TECRL: variants seen among roughly 807,000 people sequenced by gnomAD.
The protein encoded by TECRL is trans-2,3-enoyl-CoA reductase-like.
A neutral mutation model predicts 52.8 loss-of-function variants in TECRL; 63 were observed. The observed-to-expected ratio is 1.19, with a 90% CI of 0.97 to 1.47. The LOEUF (loss-of-function observed/expected upper bound fraction) is 1.47, where lower values mean the gene tolerates loss of function less well. TECRL is among the 40% of genes most tolerant of loss of function. TECRL has a pLI of 0.00. For missense variants in TECRL, 482 were observed against 429.6 expected (o/e 1.12, Z -1.08); for synonymous variants, 164 against 141.9 (o/e 1.16, Z -1.10).
chr4:64,391,447 C>G (rs531884163), intron 1 of TECRL, among the ~76,000 whole-genome samples: 77 of 151,848 alleles, frequency 5.1e-4, no homozygotes, highest in African/African-American at 1.8e-3. Context: ...GTTAAATGAC[C>G]AGAACTGAGT....
At chr4:64,276,579 CT>C (rs1267825292), downstream of TECRL, 1 of 151,616 alleles carries the variant, frequency 6.6e-6, no homozygotes, top group African/African-American at 2.4e-5. Flanking sequence ...TTTTCATCTT[CT>C]TTCCCCACCA....
intron 2 of TECRL, among the ~76,000 whole-genome samples, chr4:64,341,303 C>T (rs910457317): frequency 7.2e-5 from 11 of 152,054 alleles, no homozygotes; most frequent in African/African-American, 2.4e-4. Context: ...AGAGCTATAA[C>T]AAAAATGGAG....
chr4:64,352,118 G>T (rs1552211), intron 2 of TECRL, among the ~76,000 whole-genome samples: 137,870 of 152,014 alleles, frequency 0.91, 62,934 homozygotes, highest in East Asian at 1. Context: ...AATGGTGTTA[G>T]AAGCTAGCTG....
intron 1 of TECRL, among the ~76,000 whole-genome samples, chr4:64,398,067 A>T (rs959300142): frequency 2.0e-5 from 2 of 102,514 alleles, no homozygotes. Context: ...CAATGTGTAT[A>T]TTTCATTAAA....
At chr4:64,316,471 T>G (rs1408965155) in intron 4 of TECRL, among the ~76,000 whole-genome samples, 3 of 152,074 alleles carry the variant, frequency 2.0e-5, no homozygotes, top group African/African-American at 7.2e-5. Context: ...TTTAAAAAAA[T>G]TATTTCAGTG....
At chr4:64,315,664 G>A (rs1484830940) in intron 4 of TECRL, among the ~76,000 whole-genome samples, 1 of 151,910 alleles carries the variant, frequency 6.6e-6, no homozygotes, top group East Asian at 1.9e-4. Context: ...GCAGTTAGCT[G>A]TCCACATTGG....
At chr4:64,375,133 A>G in intron 2 of TECRL, 39 bp downstream of exon 2, 1 of 1,057,600 alleles carries the variant, frequency 9.5e-7, no homozygotes, top group Non-Finnish European at 1.3e-6. Flanking sequence ...TGAAAATAAA[A>G]CATTATGATG....
At chr4:64,277,036 T>C, downstream of TECRL, 1 of 1,497,900 alleles carries the variant, frequency 6.7e-7, no homozygotes, top group Non-Finnish European at 8.9e-7. Context: ...TTTGATGTCT[T>C]AGGCAGTGAG....
chr4:64,285,966 CTT>C (rs1723061669), intron 9 of TECRL, among the ~76,000 whole-genome samples: 1 of 152,096 alleles, frequency 6.6e-6, no homozygotes, highest in Admixed American at 6.6e-5. Flanking sequence ...CCAGAACACA[CTT>C]TGTTTTTTAG....
intron 5 of TECRL, among the ~76,000 whole-genome samples, chr4:64,311,840 A>T (rs1334667181): frequency 6.6e-6 from 1 of 152,118 alleles, no homozygotes; most frequent in Non-Finnish European, 1.5e-5. Flanking sequence ...CTTTTTCCCA[A>T]CCAAAGTATT....
intron 1 of TECRL, among the ~76,000 whole-genome samples, chr4:64,382,271 TTA>T (rs1483703795): frequency 1.4e-5 from 2 of 144,634 alleles, no homozygotes; most frequent in African/African-American, 5.1e-5. Context: ...ATGTTATATA[TTA>T]TATATTATAT....
At chr4:64,344,238 A>G (rs949775895) in intron 2 of TECRL, among the ~76,000 whole-genome samples, 2 of 151,938 alleles carry the variant, frequency 1.3e-5, no homozygotes, top group Non-Finnish European at 2.9e-5. Context: ...TACAAATATA[A>G]TCTCTATTTA....
At chr4:64,296,587 C>A (rs1446211344) in intron 8 of TECRL, among the ~76,000 whole-genome samples, 1 of 151,654 alleles carries the variant, frequency 6.6e-6, no homozygotes, top group African/African-American at 2.4e-5. Context: ...AAAAGAGTTC[C>A]TTTTTGGTAA....
At chr4:64,297,284 A>G (rs1723742744) in intron 8 of TECRL, among the ~76,000 whole-genome samples, 1 of 151,408 alleles carries the variant, frequency 6.6e-6, no homozygotes, top group Admixed American at 6.6e-5. Context: ...TCTATTCAAC[A>G]TGGTTCTTCT....
intron 1 of TECRL, among the ~76,000 whole-genome samples, chr4:64,377,470 T>C (rs1261434739): frequency 1.3e-5 from 2 of 152,012 alleles, no homozygotes; most frequent in Admixed American, 1.3e-4. Context: ...TACAACATCT[T>C]AAAAAGGATA....
At chr4:64,382,718 A>G (rs531145073) in intron 1 of TECRL, among the ~76,000 whole-genome samples, 1 of 152,062 alleles carries the variant, frequency 6.6e-6, no homozygotes, top group East Asian at 1.9e-4. Context: ...GTTGTTATTT[A>G]TAGGATACAA....
At chr4:64,322,628 T>C (rs1171103701) in intron 4 of TECRL, 61 bp downstream of exon 4, 5 of 1,179,052 alleles carry the variant, frequency 4.2e-6, no homozygotes, top group Non-Finnish European at 6.0e-6. Flanking sequence ...AATTAATCTG[T>C]CAATAAATTA....
At chr4:64,362,120 C>T (rs113840199) in intron 2 of TECRL, among the ~76,000 whole-genome samples, 2,160 of 152,084 alleles carry the variant, frequency 0.014, 66 homozygotes, top group African/African-American at 0.049. Flanking sequence ...TTGAAGACTG[C>T]TCATTTAAAT....
intron 5 of TECRL, 58 bp downstream of exon 5, chr4:64,314,587 TATG>T: frequency 8.0e-6 from 9 of 1,129,072 alleles, no homozygotes; most frequent in Non-Finnish European, 1.2e-5. Context: ...CCTTAACGTG[TATG>T]GTGTGTGTGT....
Sources: gnomAD v4.1 joint callset for allele counts (sites outside exome capture counted in the v4.1 genomes callset) on GRCh38, gnomAD v4.1.1 for gene constraint, MANE v1.5 for transcripts, NCBI Gene and HGNC (gene_info 2026-07-23, HGNC 2026-07-21) for gene names.